Variants in PARP12 observed in about 807,000 individuals in gnomAD.
PARP12 encodes the protein protein mono-ADP-ribosyltransferase PARP12.
Under a neutral mutation model 72.4 loss-of-function variants are expected in PARP12, and 59 were observed. The ratio of observed to expected loss-of-function variants is 0.81; its 90% CI spans 0.66 to 1.01. PARP12 has a LOEUF of 1.01. Ranked by LOEUF, PARP12 falls within the 50% of genes least tolerant of loss-of-function variation. PARP12 has a pLI of 0.00. For synonymous variants in PARP12, 403 were observed against 371.4 expected (o/e 1.09, Z -0.98); for missense variants, 851 against 914.0 (o/e 0.93, Z 0.89).
intron 5 of PARP12, among the ~76,000 whole-genome samples, chr7:140,045,118 C>T (rs543558101): frequency 5.9e-5 from 9 of 152,048 alleles, no homozygotes; most frequent in Admixed American, 2.0e-4. Flanking sequence ...CAGCATCAAA[C>T]TCCTGGGCTC....
At chr7:140,053,850 C>T (rs1817072341) in intron 4 of PARP12, among the ~76,000 whole-genome samples, 1 of 152,182 alleles carries the variant, frequency 6.6e-6, no homozygotes, top group Non-Finnish European at 1.5e-5. Context: ...AACATTATCA[C>T]ATGCTCCTAT....
At chr7:140,050,140 T>C (rs765810472) in intron 4 of PARP12, among the ~76,000 whole-genome samples, 1 of 151,982 alleles carries the variant, frequency 6.6e-6, no homozygotes, top group Non-Finnish European at 1.5e-5. Flanking sequence ...ATCAAATAGA[T>C]ATAAAAAGAA....
chr7:140,037,626 G>A, intron 7 of PARP12, 89 bp downstream of exon 7: 4 of 1,554,198 alleles, frequency 2.6e-6, no homozygotes, highest in Non-Finnish European at 3.5e-6. Flanking sequence ...CAGGCCCTCA[G>A]TATGTGCACA....
rs1817508967 is a variant in PARP12 at position 140,062,598 on chromosome 7, C to A, written c.250G>T (p.Gly84Cys). ...LCRAHQGSKP[G>C]CVGLCAQLHL... ...AGCTGCGCGCAGAGCCCCACGCAGC[C>A]CGGCTTGGAGCCCTGGTGCGCGCGA... The change falls in exon 1 of 12, where the codon GGC (glycine) becomes TGC (cysteine). Residue 84 changes from glycine (G) to cysteine (C), a missense_variant. Gly to Cys is a radical substitution (Grantham distance 159). Transcript: ENST00000263549. 3 of 1,525,952 alleles carry A rather than the reference C, an allele frequency of 2.0e-6. No individual in the cohort carries two copies. The highest frequency in any genetic ancestry group is 1.8e-6 in the Non-Finnish European group (2 of 1,141,150). 94.5% of individuals were successfully genotyped at this position (1,525,952 alleles called of 1,614,324 possible).
chr7:140,038,963 T>C (rs944186642), intron 6 of PARP12, among the ~76,000 whole-genome samples: 2 of 152,012 alleles, frequency 1.3e-5, no homozygotes, highest in African/African-American at 4.8e-5. Flanking sequence ...TAACTAAGAA[T>C]GACCAAGGAA....
In PARP12 at chr7:140,062,513, G is replaced by T; in HGVS notation, c.326+9C>A. The T allele has an allele frequency of 6.5e-7, 1 of 1,539,064 alleles. No individual in the cohort carries two copies. The highest frequency in any genetic ancestry group is 1.2e-5 in the South Asian group (1 of 84,564). ...TCCGCCCGCCGTCGCTCCCGGCGCG[G>T]CGCCTTACCCGGCTCTCAGGAACTT... On this transcript the variant is annotated intron_variant, in intron 1 of 11. Coordinates refer to ENST00000263549, the MANE Select transcript of PARP12 (RefSeq NM_022750.4).
chr7:140,033,566 C>T (rs910105466), intron 8 of PARP12: 2 of 985,408 alleles, frequency 2.0e-6, no homozygotes, highest in African/African-American at 1.7e-5. Context: ...AGAACACTGA[C>T]CCCTTCCTCT....
intron 2 of PARP12, chr7:140,057,673 G>A (rs1032132887): frequency 4.0e-5 from 23 of 568,924 alleles, no homozygotes; most frequent in African/African-American, 9.4e-5. Flanking sequence ...AGCCCTAGTC[G>A]CACAGCTATC....
In PARP12 at chr7:140,049,731, G is replaced by C. The variant is rs377438024; in HGVS notation, c.863-2724C>G. Among the ~76,000 whole-genome samples the C allele has an allele frequency of 3.0e-4, 46 of 152,306 alleles. 1 individual carries two copies. The South Asian group carries it at 9.1e-3, about 30-fold the overall frequency. On this transcript the variant is annotated intron_variant, in intron 4 of 11. Coordinates refer to ENST00000263549, the MANE Select transcript of PARP12 (RefSeq NM_022750.4). ...CGTTCTGAAACAAAGCTGAGCTATA[G>C]ACCACACTGTTCACAGCTGGAAGGT...
intron 8 of PARP12, chr7:140,029,285 G>A (rs1206259609): frequency 6.6e-6 from 1 of 152,206 alleles, no homozygotes; most frequent in East Asian, 1.9e-4. Context: ...AGTGTCACGT[G>A]ATACAAGCAT....
Position 140,062,837 on chromosome 7 carries a change from G to C in PARP12, c.11C>G (p.Ala4Gly). 1.4e-6 allele frequency: 2 copies of C among 1,383,952 alleles called. No homozygotes were observed. Among genetic ancestry groups the C allele is most frequent in the Non-Finnish European group, 1.9e-6 (2 of 1,066,630 alleles). 85.7% of individuals were successfully genotyped at this position (1,383,952 alleles called of 1,614,324 possible). A position where few individuals can be genotyped will look rare whatever the true frequency, so the allele number is the denominator to read the frequency against. Residue 4 changes from alanine to glycine, a missense_variant, in exon 1 of 12, where the codon GCC (alanine) becomes GGC (glycine). Physicochemically the swap from Ala to Gly is moderately conservative, Grantham distance 60. Around this residue, in one of 3 missense-constraint regions of PARP12, gnomAD observed 492 missense variants for 489.3 expected, o/e 1.01. Transcript: ENST00000263549. ...CTGGGTGACCTCACCGACGACGCCG[G>C]CCTGGGCCATGGCCGCTGGGCCTGC... is the stretch of plus-strand genomic sequence containing the variant. MAQ[A>G]GVVGEVTQVL...
intron 1 of PARP12, among the ~76,000 whole-genome samples, chr7:140,061,139 T>C (rs1362753023): frequency 6.6e-6 from 1 of 152,168 alleles, no homozygotes; most frequent in Non-Finnish European, 1.5e-5. Flanking sequence ...AGACAGCTGC[T>C]TCCTAGAGGC....
intron 4 of PARP12, among the ~76,000 whole-genome samples, chr7:140,048,822 GAACA>G (rs960592125): frequency 1.3e-5 from 2 of 152,068 alleles, no homozygotes; most frequent in Non-Finnish European, 2.9e-5. Flanking sequence ...TAAGGAAACT[GAACA>G]GACACATACC....
At chr7:140,033,056 G>C (rs1043165148) in intron 8 of PARP12, 2 of 404,808 alleles carry the variant, frequency 4.9e-6, no homozygotes, top group African/African-American at 4.4e-5. Flanking sequence ...GGGCTCAGGT[G>C]TCTCTCCCAC....
At chr7:140,059,842 G>A (rs1455359738) in intron 1 of PARP12, among the ~76,000 whole-genome samples, 1 of 152,222 alleles carries the variant, frequency 6.6e-6, no homozygotes, top group Non-Finnish European at 1.5e-5. Flanking sequence ...GGGCACCTGA[G>A]CCAGTCAGGG....
chr7:140,046,833 T>TGTGTGTGTGTGTGTCACA, intron 5 of PARP12, 51 bp downstream of exon 5: 1 of 1,188,026 alleles, frequency 8.4e-7, no homozygotes, highest in Non-Finnish European at 1.2e-6. Context: ...TGTGTGTGTG[T>TGTGTGTGTGTGTGTCACA]CACACACAGA....
At chr7:140,036,702 T>G (rs1312851371) in intron 7 of PARP12, among the ~76,000 whole-genome samples, 2 of 152,090 alleles carry the variant, frequency 1.3e-5, no homozygotes, top group Non-Finnish European at 2.9e-5. Context: ...TATAAAATGC[T>G]GAACATTCAG....
chr7:140,033,487 TG>T (rs1168167990), intron 8 of PARP12: 1 of 985,304 alleles, frequency 1.0e-6, no homozygotes, highest in Non-Finnish European at 1.2e-6. Context: ...AAGCCCAAAC[TG>T]TATGGGCACT....
chr7:140,062,790 C>T lies in PARP12; in HGVS notation c.58G>A (p.Ala20Thr). 1.4e-6 allele frequency: 2 copies of T among 1,410,166 alleles called. No homozygotes were observed. Among genetic ancestry groups the T allele is most frequent in the Non-Finnish European group, 1.9e-6 (2 of 1,079,206 alleles). 87.4% of individuals were successfully genotyped at this position (1,410,166 alleles called of 1,614,324 possible). ...VTQVLCAAGG[A>T]LELPELRRRL... ...CGCCGCAGCTCGGGCAACTCCAGGGCGCCCCCGGCCGCGCACAGCACCTGG... is the reference window on the plus strand; with the variant it reads ...CGCCGCAGCTCGGGCAACTCCAGGGTGCCCCCGGCCGCGCACAGCACCTGG... Residue 20 changes from alanine to threonine, a missense_variant, in exon 1 of 12, where the codon GCC (alanine) becomes ACC (threonine). By Grantham distance (58) the Ala-to-Thr change is moderately conservative (BLOSUM62 0). Transcript: ENST00000263549.
Sources: gnomAD v4.1 joint callset for allele counts (sites outside exome capture counted in the v4.1 genomes callset) on GRCh38, gnomAD v4.1.1 for gene constraint, gnomAD v4.1.1 regional missense constraint, MANE v1.5 for transcripts, NCBI Gene and HGNC (gene_info 2026-07-23, HGNC 2026-07-21) for gene names.